RGS6: variants seen among roughly 807,000 people sequenced by gnomAD.
RGS6 encodes the protein regulator of G-protein signaling 6.
In RGS6, 30 loss-of-function variants were observed where a neutral mutation model predicts 78.5. The observed-to-expected ratio is 0.38, with a 90% CI of 0.29 to 0.52. The LOEUF is 0.52. Among genes scored for constraint, RGS6 ranks in the 20% least tolerant of loss-of-function variants. The pLI is 0.85. For missense variants in RGS6, 495 were observed against 609.7 expected, an observed-to-expected ratio of 0.81 and a Z score of 1.98; for synonymous variants, 206 against 206.0, an observed-to-expected ratio of 1.00 and a Z score of 0.00.
intron 2 of RGS6, among the ~76,000 whole-genome samples, chr14:72,150,990 C>A (rs2096677121): frequency 6.6e-6 from 1 of 152,158 alleles, no homozygotes; most frequent in African/African-American, 2.4e-5. Context: ...GAGAGTAGAG[C>A]ATATTTTCTT....
chr14:72,178,706 G>A (rs2097137061), intron 2 of RGS6, among the ~76,000 whole-genome samples: 1 of 152,160 alleles, frequency 6.6e-6, no homozygotes, highest in Non-Finnish European at 1.5e-5. Flanking sequence ...ACGCATTACT[G>A]ACACCTAGGG....
chr14:71,936,304 A>G (rs973589000), intron 1 of RGS6, among the ~76,000 whole-genome samples: 1 of 151,918 alleles, frequency 6.6e-6, no homozygotes, highest in Admixed American at 6.6e-5. Flanking sequence ...GTGGGAGGCT[A>G]GGCTCATTTC....
intron 2 of RGS6, among the ~76,000 whole-genome samples, chr14:72,175,172 C>T (rs1350873780): frequency 6.6e-6 from 1 of 152,140 alleles, no homozygotes; most frequent in Non-Finnish European, 1.5e-5. Context: ...AGTCTTTCCT[C>T]CAAAAATCAT....
At chr14:72,371,920 A>G (rs2083596435) in intron 3 of RGS6, among the ~76,000 whole-genome samples, 1 of 152,216 alleles carries the variant, frequency 6.6e-6, no homozygotes. Flanking sequence ...AGCAACAGTG[A>G]CTATGGATTT....
chr14:72,286,553 C>CT (rs1424313410), intron 2 of RGS6, among the ~76,000 whole-genome samples: 1 of 151,550 alleles, frequency 6.6e-6, no homozygotes, highest in African/African-American at 2.4e-5. Flanking sequence ...AAAAAATGCC[C>CT]TTGGGATTTT....
intron 1 of RGS6, among the ~76,000 whole-genome samples, chr14:71,949,106 T>G (rs1397629559): frequency 1.3e-5 from 2 of 152,082 alleles, no homozygotes; most frequent in African/African-American, 2.4e-5. Context: ...GTTAGACATA[T>G]GAATAGTGCT....
chr14:72,540,595 A>T, intron 17 of RGS6: 1 of 1,498,542 alleles, frequency 6.7e-7, no homozygotes, highest in Admixed American at 1.8e-5. Flanking sequence ...CTGTGTGCAG[A>T]AAGCGGCCGT....
At chr14:72,557,447 C>T (rs10144375) in intron 17 of RGS6, among the ~76,000 whole-genome samples, 7 of 152,160 alleles carry the variant, frequency 4.6e-5, no homozygotes, top group Non-Finnish European at 7.3e-5. Context: ...GGGAGTCACC[C>T]GATGAAGTCA....
intron 2 of RGS6, among the ~76,000 whole-genome samples, chr14:72,180,036 T>C (rs1171624974): frequency 2.0e-5 from 3 of 152,186 alleles, no homozygotes; most frequent in African/African-American, 4.8e-5. Flanking sequence ...CTAGTGATAG[T>C]TGTATTTTCA....
At chr14:72,358,971 T>A (rs2080928975) in intron 3 of RGS6, among the ~76,000 whole-genome samples, 1 of 152,204 alleles carries the variant, frequency 6.6e-6, no homozygotes, top group African/African-American at 2.4e-5. Context: ...GTTGGTTACC[T>A]CCATGCTTTC....
intron 17 of RGS6, among the ~76,000 whole-genome samples, chr14:72,553,526 GTC>G (rs748610661): frequency 2.6e-5 from 4 of 152,274 alleles, no homozygotes. Flanking sequence ...ATTTCTTGGT[GTC>G]TCTGTTTTTT....
At chr14:72,191,085 T>C (rs1567425833) in intron 2 of RGS6, among the ~76,000 whole-genome samples, 1 of 152,222 alleles carries the variant, frequency 6.6e-6, no homozygotes, top group Non-Finnish European at 1.5e-5. Flanking sequence ...AGCGAATTTC[T>C]CAGTATATTT....
intron 2 of RGS6, among the ~76,000 whole-genome samples, chr14:72,240,969 C>G (rs2052629367): frequency 6.6e-6 from 1 of 151,952 alleles, no homozygotes; most frequent in African/African-American, 2.4e-5. Context: ...CCATCTTGGC[C>G]AACATGGTGA....
the RGS6 span, among the ~76,000 whole-genome samples, chr14:72,624,354 T>C: frequency 8.4e-6 from 1 of 118,624 alleles, no homozygotes. Flanking sequence ...TTTTTTTTTT[T>C]CTGAGACAGA....
At chr14:72,098,101 T>C (rs941376210) in intron 2 of RGS6, among the ~76,000 whole-genome samples, 1 of 152,150 alleles carries the variant, frequency 6.6e-6, no homozygotes, top group African/African-American at 2.4e-5. Flanking sequence ...TGTTATAATA[T>C]CCTGACATAG....
At chr14:72,596,278 T>C in the RGS6 span, among the ~76,000 whole-genome samples, 18 of 152,274 alleles carry the variant, frequency 1.2e-4, no homozygotes, top group East Asian at 3.5e-3. Context: ...GTCAGATCTT[T>C]CTCACATCCC....
intron 8 of RGS6, among the ~76,000 whole-genome samples, chr14:72,472,114 C>T (rs1251178048): frequency 1.4e-5 from 2 of 146,350 alleles, no homozygotes; most frequent in African/African-American, 5.1e-5. Flanking sequence ...AGTTACACGG[C>T]AATTAATCTG....
At chr14:72,173,954 A>C (rs2097065611) in intron 2 of RGS6, among the ~76,000 whole-genome samples, 1 of 152,160 alleles carries the variant, frequency 6.6e-6, no homozygotes, top group Admixed American at 6.5e-5. Flanking sequence ...GTAGGGACAC[A>C]GCCTCTTATG....
the RGS6 span, among the ~76,000 whole-genome samples, chr14:71,868,959 T>C: frequency 1.3e-5 from 2 of 152,200 alleles, no homozygotes; most frequent in African/African-American, 4.8e-5. Context: ...CAGACTGCCT[T>C]GGGATGCCAT....
Sources: gnomAD v4.1 joint callset for allele counts (sites outside exome capture counted in the v4.1 genomes callset) on GRCh38, gnomAD v4.1.1 for gene constraint, MANE v1.5 for transcripts, NCBI Gene and HGNC (gene_info 2026-07-23, HGNC 2026-07-21) for gene names.